ADCY9: variants seen among roughly 807,000 people sequenced by gnomAD.
ADCY9 encodes the protein adenylate cyclase 9.
In ADCY9, 50 loss-of-function variants were observed where a neutral mutation model predicts 101.5. The observed-to-expected ratio is 0.49, with a 90% CI of 0.39 to 0.62. The LOEUF (loss-of-function observed/expected upper bound fraction) is 0.62. Ranked by LOEUF, ADCY9 falls within the 20% of genes least tolerant of loss-of-function variation. The pLI is 0.00. For synonymous variants in ADCY9, 905 were observed against 769.3 expected, an observed-to-expected ratio of 1.18 and a Z score of -2.92; for missense variants, 1,662 against 1,800.4, an observed-to-expected ratio of 0.92 and a Z score of 1.39.
At chr16:4,047,761 G>A (rs1026723791) in intron 2 of ADCY9, among the ~76,000 whole-genome samples, 6 of 152,146 alleles carry the variant, frequency 3.9e-5, no homozygotes, top group Non-Finnish European at 7.3e-5. Flanking sequence ...TGAAATCCAC[G>A]TTGGCCAGGC....
At chr16:4,095,007 ATTTTTT>A (rs34980572) in intron 2 of ADCY9, among the ~76,000 whole-genome samples, 1 of 128,822 alleles carries the variant, frequency 7.8e-6, no homozygotes, top group Non-Finnish European at 1.7e-5. Flanking sequence ...ATGACATTTA[ATTTTTT>A]TTTTTTTTTT....
intron 2 of ADCY9, among the ~76,000 whole-genome samples, chr16:4,008,035 C>T (rs1322988919): frequency 6.6e-6 from 1 of 152,002 alleles, no homozygotes; most frequent in East Asian, 1.9e-4. Flanking sequence ...CAAAACTACC[C>T]CGAAAAACAA....
chr16:4,046,426 C>T (rs1002548464), intron 2 of ADCY9, among the ~76,000 whole-genome samples: 6 of 152,094 alleles, frequency 3.9e-5, no homozygotes, highest in South Asian at 2.1e-4. Flanking sequence ...ACTGCATGGG[C>T]CAGCACACGT....
intron 6 of ADCY9, among the ~76,000 whole-genome samples, chr16:3,988,740 G>A (rs2056219051): frequency 6.6e-6 from 1 of 152,312 alleles, no homozygotes; most frequent in African/African-American, 2.4e-5. Flanking sequence ...ATAGCCTGGA[G>A]ATGCCACGGC....
intron 2 of ADCY9, among the ~76,000 whole-genome samples, chr16:4,105,017 C>A (rs983410763): frequency 6.7e-6 from 1 of 150,118 alleles, no homozygotes; most frequent in Admixed American, 6.7e-5. Context: ...TGCAGTAAGC[C>A]GAGATCGTGC....
intron 9 of ADCY9, 29 bp downstream of exon 9, chr16:3,977,453 G>T: frequency 6.5e-7 from 1 of 1,541,894 alleles, no homozygotes; most frequent in South Asian, 1.2e-5. Context: ...CACGCACCCT[G>T]GTGCCCGCAA....
intron 2 of ADCY9, among the ~76,000 whole-genome samples, chr16:4,108,826 A>G (rs2057095951): frequency 6.6e-6 from 1 of 150,590 alleles, no homozygotes; most frequent in African/African-American, 2.4e-5. Context: ...CTGCCTCAGC[A>G]TCCCGAGTAG....
intron 2 of ADCY9, among the ~76,000 whole-genome samples, chr16:4,058,663 T>C (rs1253657152): frequency 6.6e-6 from 1 of 151,976 alleles, no homozygotes; most frequent in Non-Finnish European, 1.5e-5. Context: ...GTATGTGTGA[T>C]CAGGAGGATA....
Position 4,115,013 on chromosome 16 carries a change from C to A in ADCY9, c.430G>T (p.Val144Phe). ...AAGCACAGCGCGGGGGCGACCATGA[C>A]GATCAGTCTGGATCTCATGTGGACC... ...FAVHMRSRLI[V>F]MVAPALCFLL... The change falls in exon 2 of 11, where the codon GTC (valine) becomes TTC (phenylalanine). Residue 144 changes from valine (V) to phenylalanine (F), a missense_variant. Physicochemically the swap from Val to Phe is conservative, Grantham distance 50 (BLOSUM62 -1). Transcript: ENST00000294016. The surrounding 1 kb of genome is among the most constrained non-coding windows in gnomAD (Gnocchi z 6.2). 1 of 1,614,114 alleles carries A rather than the reference C, an allele frequency of 6.2e-7. No individual in the cohort carries two copies. The highest frequency in any genetic ancestry group is 8.5e-7 in the Non-Finnish European group (1 of 1,180,038).
chr16:3,974,685 C>A lies in ADCY9; in HGVS notation c.2854G>T (p.Ala952Ser). 1 of 1,612,668 alleles carries A rather than the reference C, an allele frequency of 6.2e-7. No individual in the cohort carries two copies. The highest frequency in any genetic ancestry group is 1.1e-5 in the South Asian group (1 of 91,004). The change falls in exon 10 of 11, where the codon GCA becomes TCA. Residue 952 changes from alanine (A) to serine (S), a missense_variant. Physicochemically the swap from Ala to Ser is moderately conservative, Grantham distance 99. This residue lies in a region of ADCY9 where 624 missense variants were observed against 639.1 expected (regional missense o/e 0.98). Coordinates refer to ENST00000294016, the MANE Select transcript of ADCY9 (RefSeq NM_001116.4). ...AAAGCTTACCTGAAATTCTGTACTG[C>A]GTCAAGGGGCGAAGTTAATACAGAA... ...DSSVLTSPLD[A>S]VQNFSSERNP... is the part of the protein sequence containing the mutation.
intron 2 of ADCY9, among the ~76,000 whole-genome samples, chr16:4,055,169 C>T (rs1035928537): frequency 1.4e-4 from 21 of 152,246 alleles, no homozygotes; most frequent in Admixed American, 3.3e-4. Context: ...TCTTCCACAC[C>T]GGGAAGGGCC....
chr16:4,039,679 CAA>C (rs35158886), intron 2 of ADCY9, among the ~76,000 whole-genome samples: 1,889 of 64,596 alleles, frequency 0.029, 48 homozygotes, highest in African/African-American at 0.086. Context: ...AACTCTGTCT[CAA>C]AAAAAAAAAA....
chr16:3,983,559 C>T lies in ADCY9; in HGVS notation c.2311-119G>A, dbSNP rs534756909. ...CTGCTGCTCTGGGCCAGGCACAGGG[C>T]AGGAAGGCTCTCGGAGGGCTGTCTC... On this transcript the variant is annotated intron_variant, in intron 6 of 10. Coordinates refer to ENST00000294016, the MANE Select transcript of ADCY9 (RefSeq NM_001116.4). The T allele has an allele frequency of 1.1e-5, 9 of 829,696 alleles. No homozygotes were observed. The South Asian group carries it at 1.3e-4, about 12-fold the overall frequency. 51.4% of individuals were successfully genotyped at this position (829,696 alleles called of 1,614,324 possible). A position where few individuals can be genotyped will look rare whatever the true frequency, so the allele number is the denominator to read the frequency against.
At chr16:4,082,531 T>A (rs752841604) in intron 2 of ADCY9, among the ~76,000 whole-genome samples, 10 of 152,138 alleles carry the variant, frequency 6.6e-5, no homozygotes, top group Non-Finnish European at 1.0e-4. Context: ...TTGGGGTATC[T>A]CCCTTCTACC....
At chr16:4,037,002 T>C (rs2056594614) in intron 2 of ADCY9, among the ~76,000 whole-genome samples, 1 of 152,114 alleles carries the variant, frequency 6.6e-6, no homozygotes, top group African/African-American at 2.4e-5. Context: ...ATATGTCTTT[T>C]GTGTCTGGCT....
chr16:4,115,480 C>T lies in ADCY9; in HGVS notation c.-38G>A. 12 of 1,480,944 alleles carry T rather than the reference C, an allele frequency of 8.1e-6. No individual in the cohort carries two copies. Among genetic ancestry groups the T allele is most frequent in the Non-Finnish European group, 1.1e-5 (12 of 1,116,428 alleles). 91.7% of individuals were successfully genotyped at this position (1,480,944 alleles called of 1,614,324 possible). ...CGGGGCCTGCCCCGGCCGGGGTCAC[C>T]AGTACCTGCCAGCAAAACGGGGAGA... On this transcript the variant is annotated 5_prime_UTR_variant, in exon 2 of 11. Transcript: ENST00000294016. This position sits in a 1 kb window ranked among gnomAD's most constrained non-coding sequence, Gnocchi z 6.2.
downstream of ADCY9, among the ~76,000 whole-genome samples, chr16:3,957,915 G>A (rs1567408755): frequency 6.6e-6 from 1 of 152,064 alleles, no homozygotes; most frequent in Non-Finnish European, 1.5e-5. Flanking sequence ...TTCTGGTCCC[G>A]TTCATCTCCC....
intron 2 of ADCY9, among the ~76,000 whole-genome samples, chr16:4,064,395 C>G (rs567524799): frequency 5.3e-5 from 8 of 152,282 alleles, no homozygotes; most frequent in African/African-American, 1.9e-4. Context: ...GTAACTGAAG[C>G]TGGGTAACGT....
chr16:4,074,362 A>G (rs548887843), intron 2 of ADCY9, among the ~76,000 whole-genome samples: 4 of 152,080 alleles, frequency 2.6e-5, no homozygotes, highest in South Asian at 4.2e-4. Flanking sequence ...GAAAAAATAT[A>G]TAAGAAATAA....
Sources: gnomAD v4.1 joint callset for allele counts (sites outside exome capture counted in the v4.1 genomes callset) on GRCh38, gnomAD v4.1.1 for gene constraint, gnomAD v4.1.1 regional missense constraint, Gnocchi (gnomAD v3.1) non-coding constraint, MANE v1.5 for transcripts, NCBI Gene and HGNC (gene_info 2026-07-23, HGNC 2026-07-21) for gene names.